Variants in HDAC3 observed in about 807,000 individuals in gnomAD.
The protein encoded by HDAC3 is histone deacetylase 3.
Under a neutral mutation model 62.3 loss-of-function variants are expected in HDAC3, and 21 were observed. The ratio of observed to expected loss-of-function variants is 0.34; its 90% confidence interval spans 0.24 to 0.49. The LOEUF (loss-of-function observed/expected upper bound fraction) is 0.49, where lower values mean the gene tolerates loss of function less well. Ranked by LOEUF, HDAC3 falls within the 20% of genes least tolerant of loss-of-function variation. The pLI, the probability that HDAC3 is intolerant of heterozygous loss-of-function variation, is 0.99. For synonymous variants in HDAC3, 198 were observed against 206.5 expected (o/e 0.96, Z 0.35); for missense variants, 270 against 556.9 (o/e 0.48, Z 5.19).
intron 3 of HDAC3, among the ~76,000 whole-genome samples, chr5:141,633,888 G>C (rs537389273): frequency 6.6e-6 from 1 of 151,458 alleles, no homozygotes; most frequent in South Asian, 2.1e-4. Flanking sequence ...CTAGGTGATG[G>C]ACGTATGGGA....
At chr5:141,635,236 T>G in intron 2 of HDAC3, 1 of 295,708 alleles carries the variant, frequency 3.4e-6, no homozygotes, top group East Asian at 6.3e-5. Context: ...GAATCTCCTA[T>G]TCCCAGTTCT....
rs759848298 is a variant in HDAC3 at position 141,628,196 on chromosome 5, G to C, written c.692-9C>G. On this transcript the variant is annotated splice_polypyrimidine_tract_variant and intron_variant, in intron 8 of 14. Coordinates refer to ENST00000305264, the MANE Select transcript of HDAC3 (RefSeq NM_003883.4). This position sits in a 1 kb window ranked among gnomAD's most constrained non-coding sequence, Gnocchi z 4.7. Reference sequence around the variant, plus strand: ...GAAAAGGTGCTTGTAACCTGGGAGAGGGCCAAAGATGGGCACCTGGCACCC... The same window carrying C: ...GAAAAGGTGCTTGTAACCTGGGAGACGGCCAAAGATGGGCACCTGGCACCC... 6.2e-7 allele frequency: 1 copy of C among 1,613,832 alleles called. No homozygotes were observed. The highest frequency in any genetic ancestry group is 1.7e-5 in the Admixed American group (1 of 60,018).
intron 3 of HDAC3, among the ~76,000 whole-genome samples, chr5:141,633,839 A>G (rs1369939995): frequency 2.0e-5 from 3 of 151,708 alleles, no homozygotes; most frequent in African/African-American, 7.3e-5. Flanking sequence ...AAAAAAAAAA[A>G]AAAAAAAAAG....
intron 2 of HDAC3, 36 bp from the exon 3 acceptor site, chr5:141,634,989 T>A: frequency 6.2e-7 from 1 of 1,607,786 alleles, no homozygotes; most frequent in Non-Finnish European, 8.5e-7. Context: ...CCAGGCAGGG[T>A]CAGCCCCACT....
chr5:141,624,042 CT>C (rs200967458), intron 14 of HDAC3, among the ~76,000 whole-genome samples: 1,663 of 128,996 alleles, frequency 0.013, 43 homozygotes, highest in African/African-American at 0.056. Flanking sequence ...AAGATAAAGA[CT>C]TTTAAAAAAA....
At position 141,626,782 on chromosome 5, in the gene HDAC3, GTGTA is replaced by G. The variant is rs1185658221; in HGVS notation, c.831-503_831-500del. Among the ~76,000 whole-genome samples, 3 of 126,382 alleles carry G rather than the reference GTGTA, an allele frequency of 2.4e-5. No homozygotes were observed. Among genetic ancestry groups the G allele is most frequent in the Non-Finnish European group, 5.2e-5 (3 of 58,228 alleles). The allele number at this position is 126,382 out of a possible 152,430, so 82.9% of individuals were successfully genotyped here. On this transcript the variant is annotated intron_variant, in intron 10 of 14. Transcript: ENST00000305264. This position sits in a 1 kb window ranked among gnomAD's most constrained non-coding sequence, Gnocchi z 4.6. The stretch of plus-strand genomic sequence containing the variant: ...AAAACATATATATGTGTGTGTGTGT[GTGTA>G]TATATATATATATACACACACACAC...
Position 141,624,077 on chromosome 5 carries a change from A to C in HDAC3, c.1217+1131T>G, listed in dbSNP as rs1195983832. ...AAAAAAAAAAACATAACCACAATGC[A>C]ATTATCCCACCCGAAAAAATTAACA... is the stretch of plus-strand genomic sequence containing the variant. On this transcript the variant is annotated intron_variant, in intron 14 of 14. Coordinates refer to ENST00000305264, the MANE Select transcript of HDAC3 (RefSeq NM_003883.4). Among the ~76,000 whole-genome samples, 3 of 151,436 alleles carry C rather than the reference A, an allele frequency of 2.0e-5. No homozygotes were observed. The East Asian group carries it at 5.8e-4, about 29-fold the overall frequency.
rs774607041 is a variant in HDAC3, at chr5:141,634,933, G to A, written c.159C>T (p.Ala53=). 6.2e-7 allele frequency: 1 copy of A among 1,613,956 alleles called. No individual in the cohort carries two copies. Among genetic ancestry groups the A allele is most frequent in the Admixed American group, 1.7e-5 (1 of 60,016 alleles). ...KKMIVFKPYQ[A]SQHDMCRFHS... is the part of the protein sequence containing the mutation. ...GGAAGCGGCACATGTCATGTTGGGA[G>A]GCCTGGTATGGCTTGAAGACCTCGG... is the stretch of plus-strand genomic sequence containing the variant. The change falls in exon 3 of 15, where the codon GCC becomes GCT. Residue 53 remains alanine (A), a synonymous_variant. Coordinates refer to ENST00000305264, the MANE Select transcript of HDAC3 (RefSeq NM_003883.4).
rs1028151898 is a variant in HDAC3 at position 141,625,070 on chromosome 5, G to A, written c.1217+138C>T. 7.3e-6 allele frequency: 6 copies of A among 824,734 alleles called. No individual in the cohort carries two copies. Among genetic ancestry groups the A allele is most frequent in the Non-Finnish European group, 1.1e-5 (6 of 537,640 alleles). The allele number at this position is 824,734 out of a possible 1,614,324, so 51.1% of individuals were successfully genotyped here. A position where few individuals can be genotyped will look rare whatever the true frequency, so the allele number is the denominator to read the frequency against. ...TACTTTTGTCATTAAAAATAACAAA[G>A]AAAAGAGTGAGGAAATTGTAGCAGA... On this transcript the variant is annotated intron_variant, in intron 14 of 14. Coordinates refer to ENST00000305264, the MANE Select transcript of HDAC3 (RefSeq NM_003883.4). The surrounding 1 kb of genome is among the most constrained non-coding windows in gnomAD (Gnocchi z 4.0).
At chr5:141,624,987 G>A in intron 14 of HDAC3, 1 of 522,338 alleles carries the variant, frequency 1.9e-6, no homozygotes. Context: ...GTCTGGGATT[G>A]TGTGAACGCC....
rs372619060 is a variant in HDAC3 at position 141,631,360 on chromosome 5, G to C, written c.282-1235C>G. On this transcript the variant is annotated intron_variant, in intron 3 of 14. Coordinates refer to ENST00000305264, the MANE Select transcript of HDAC3 (RefSeq NM_003883.4). ...TTAGTGATTAATACCAGAAAACTAA[G>C]CAAATGAAAAAATAATGCAATTGTC... 2.8e-4 allele frequency among the ~76,000 whole-genome samples: 43 copies of C among 152,152 alleles called. 1 individual carries two copies. In the East Asian group the frequency reaches 7.1e-3, roughly 25 times the overall value.
intron 3 of HDAC3, among the ~76,000 whole-genome samples, chr5:141,633,452 T>C (rs916462483): frequency 1.3e-5 from 2 of 151,956 alleles, no homozygotes; most frequent in Non-Finnish European, 2.9e-5. Context: ...CATAATAAAA[T>C]ATTTATGGAT....
In HDAC3 at chr5:141,624,372, C is replaced by CAAAAAAAA. The variant is rs58610895; in HGVS notation, c.1217+828_1217+835dup. ...CAACAAGGCAAGACTCCGTCTCTAC[C>CAAAAAAAA]AAAAAAAAAAAAAAAAAAAAAAAAA... is the stretch of plus-strand genomic sequence containing the variant. On this transcript the variant is annotated intron_variant, in intron 14 of 14. Transcript: ENST00000305264. Among the ~76,000 whole-genome samples, 23 of 22,098 alleles carry CAAAAAAAA rather than the reference C, an allele frequency of 1.0e-3. 2 individuals carry two copies. The highest frequency in any genetic ancestry group is 1.5e-3 in the East Asian group (1 of 666). 14.5% of individuals were successfully genotyped at this position (22,098 alleles called of 152,430 possible).
At position 141,630,094 on chromosome 5, in the gene HDAC3, A is replaced by T; in HGVS notation, c.313T>A (p.Ser105Thr). 1 of 1,614,108 alleles carries T rather than the reference A, an allele frequency of 6.2e-7. No homozygotes were observed. The highest frequency in any genetic ancestry group is 8.5e-7 in the Non-Finnish European group (1 of 1,180,034). ...PVFPGLFEFC[S>T]RYTGASLQGA... Reference sequence around the variant, plus strand: ...TGCAGAGATGCGCCTGTGTAACGCGAGCAGAACTCAAAGAGCCCGGGAAAC... The same window carrying T: ...TGCAGAGATGCGCCTGTGTAACGCGTGCAGAACTCAAAGAGCCCGGGAAAC... The change falls in exon 4 of 15, where the codon TCG (serine) becomes ACG (threonine). Residue 105 changes from serine to threonine, a missense_variant. By Grantham distance (58) the Ser-to-Thr change is moderately conservative. Transcript: ENST00000305264.
Position 141,621,358 on chromosome 5 carries a change from C to T in HDAC3, c.*110G>A. The T allele has an allele frequency of 1.1e-6, 1 of 942,448 alleles. No homozygotes were observed. The highest frequency in any genetic ancestry group is 1.7e-6 in the Non-Finnish European group (1 of 588,124). The allele number at this position is 942,448 out of a possible 1,614,324, so 58.4% of individuals were successfully genotyped here. A position where few individuals can be genotyped will look rare whatever the true frequency, so the allele number is the denominator to read the frequency against. On this transcript the variant is annotated 3_prime_UTR_variant, in exon 15 of 15. Coordinates refer to ENST00000305264, the MANE Select transcript of HDAC3 (RefSeq NM_003883.4). ...TGGTCTCCAGACTCTTTCCCAGAGT[C>T]AGCAAAAGCCCTGGGGTGACCCCCA...
rs2099905275 is a variant in HDAC3, at chr5:141,631,930, A to G, written c.282-1805T>C. On this transcript the variant is annotated intron_variant, in intron 3 of 14. Coordinates refer to ENST00000305264, the MANE Select transcript of HDAC3 (RefSeq NM_003883.4). ...AATTAATATTATTATTTAGAAATCC[A>G]AAGGTAAATACCAGAAGACATAGGG... 2.0e-5 allele frequency among the ~76,000 whole-genome samples: 3 copies of G among 152,152 alleles called. No homozygotes were observed. In the South Asian group the frequency reaches 6.2e-4, roughly 32 times the overall value.
intron 2 of HDAC3, chr5:141,636,329 A>C (rs1295835221): frequency 1.7e-6 from 1 of 588,744 alleles, no homozygotes; most frequent in African/African-American, 1.9e-5. Context: ...GTGTGCCTAC[A>C]GTCAGAGGGT....
chr5:141,629,638 A>C lies in HDAC3; in HGVS notation c.476+46T>G. 1 of 1,592,756 alleles carries C rather than the reference A, an allele frequency of 6.3e-7. No individual in the cohort carries two copies. The highest frequency in any genetic ancestry group is 8.6e-7 in the Non-Finnish European group (1 of 1,163,464). On this transcript the variant is annotated intron_variant, in intron 6 of 14. Transcript: ENST00000305264. This position sits in a 1 kb window ranked among gnomAD's most constrained non-coding sequence, Gnocchi z 5.3. ...AGGGTTGAGACTGAGAGACCTCCTC[A>C]GCCAAGAATCCCGTAACTGCCCCCA...
chr5:141,634,201 T>C (rs1297892568), intron 3 of HDAC3, among the ~76,000 whole-genome samples: 1 of 152,220 alleles, frequency 6.6e-6, no homozygotes. Context: ...TTAAAACACT[T>C]TGATAGCTTC....
Sources: allele counts gnomAD v4.1 joint callset (sites outside exome capture counted in the v4.1 genomes callset), GRCh38; gene constraint gnomAD v4.1.1; non-coding constraint Gnocchi (gnomAD v3.1); transcripts MANE v1.5; gene names NCBI Gene and HGNC (gene_info 2026-07-23, HGNC 2026-07-21).